The following SMC4 variants were observed in gnomAD, a reference collection of about 807,000 sequenced individuals.
The protein encoded by SMC4 is structural maintenance of chromosomes 4.
In SMC4, 87 loss-of-function variants were observed where a neutral mutation model predicts 145.6. That is an observed-to-expected ratio of 0.60 (90% confidence interval 0.50 to 0.71). The LOEUF (loss-of-function observed/expected upper bound fraction) is 0.71. SMC4 is among the 30% of genes least tolerant of loss of function. The probability of loss-of-function intolerance (pLI) is 0.00; values close to 1 mark genes in which losing one functional copy is unlikely to be tolerated. For synonymous variants in SMC4, 558 were observed against 500.7 expected (o/e 1.11, Z -1.53); for missense variants, 1,447 against 1,537.1 (o/e 0.94, Z 0.98).
At position 160,420,758 on chromosome 3, in the gene SMC4, G is replaced by C. The variant is rs781248813; in HGVS notation, c.1876G>C (p.Asp626His). 5 of 1,613,648 alleles carry C rather than the reference G, an allele frequency of 3.1e-6. No homozygotes were observed. In the South Asian group the frequency reaches 5.5e-5, roughly 18 times the overall value. The change falls in exon 13 of 24, where the codon GAT becomes CAT. Residue 626 changes from aspartate (D) to histidine (H), a missense_variant. By Grantham distance (81) the Asp-to-His change is moderately conservative. Transcript: ENST00000357388. The part of the protein sequence containing the change: ...YGRLGDLGAI[D>H]EKYDVAISSC... ...TTATTAGGGGGACTTAGGAGCCATT[G>C]ATGAAAAATACGACGTGGCTATATC...
At chr3:160,417,623 A>T in intron 10 of SMC4, 100 bp from the exon 11 acceptor site, 3 of 946,962 alleles carry the variant, frequency 3.2e-6, no homozygotes, top group Non-Finnish European at 4.8e-6. Flanking sequence ...GTGCTTATAG[A>T]ATCTCCTTTC....
rs1468704750 is a variant in SMC4 at position 160,430,845 on chromosome 3, C to CT, written c.2940+104dup. 3.7e-6 allele frequency: 5 copies of CT among 1,362,704 alleles called. No homozygotes were observed. In the African/African-American group the frequency reaches 5.9e-5, roughly 16 times the overall value. 84.4% of individuals were successfully genotyped at this position (1,362,704 alleles called of 1,614,324 possible). A position where few individuals can be genotyped will look rare whatever the true frequency, so the allele number is the denominator to read the frequency against. The stretch of plus-strand genomic sequence containing the variant: ...CTAGAATGTAGTAAGCACTCATAGA[C>CT]TTAAAGTTTTATAACTATCAATTTT... On this transcript the variant is annotated intron_variant, in intron 19 of 23. Coordinates refer to ENST00000357388, the MANE Select transcript of SMC4 (RefSeq NM_001002800.3).
intron 17 of SMC4, among the ~76,000 whole-genome samples, 188 bp from the exon 18 acceptor site, chr3:160,428,565 T>A (rs1304915889): frequency 1.3e-5 from 2 of 152,166 alleles, no homozygotes; most frequent in Non-Finnish European, 2.9e-5. Flanking sequence ...TTTAACTTTG[T>A]GCATTGTTGT....
intron 15 of SMC4, among the ~76,000 whole-genome samples, chr3:160,424,502 C>G (rs1422868975): frequency 6.6e-6 from 1 of 152,076 alleles, no homozygotes; most frequent in Non-Finnish European, 1.5e-5. Context: ...TGATTTTGTT[C>G]TGGTCTTTAA....
intron 23 of SMC4, 82 bp from the exon 24 acceptor site, chr3:160,433,575 G>T: frequency 1.2e-6 from 1 of 811,868 alleles, no homozygotes; most frequent in African/African-American, 1.7e-5. Context: ...AATGTTTATT[G>T]TCCAAAAAAT....
intron 9 of SMC4, among the ~76,000 whole-genome samples, chr3:160,415,399 C>A (rs1010585927): frequency 2.0e-5 from 3 of 152,174 alleles, no homozygotes; most frequent in Admixed American, 6.5e-5. Context: ...TTTGGAATCT[C>A]TTAAGCTGTG....
chr3:160,427,391 A>G (rs1717905736), intron 17 of SMC4, among the ~76,000 whole-genome samples: 1 of 152,238 alleles, frequency 6.6e-6, no homozygotes, highest in East Asian at 1.9e-4. Flanking sequence ...TGTGGCTGGA[A>G]TAAAGGACGG....
At chr3:160,412,601 C>T in intron 7 of SMC4, 148 bp downstream of exon 7, 1 of 1,281,926 alleles carries the variant, frequency 7.8e-7, no homozygotes, top group Non-Finnish European at 1.0e-6. Flanking sequence ...TTAGCTCATG[C>T]CTGTAATTCC....
intron 10 of SMC4, among the ~76,000 whole-genome samples, chr3:160,417,011 G>A (rs1250825339): frequency 2.0e-5 from 3 of 152,092 alleles, no homozygotes; most frequent in Admixed American, 2.0e-4. Flanking sequence ...AATAAAACGA[G>A]AGCATGAAGT....
chr3:160,416,903 G>A (rs1044272818), intron 10 of SMC4, among the ~76,000 whole-genome samples: 2 of 151,872 alleles, frequency 1.3e-5, no homozygotes, highest in Non-Finnish European at 2.9e-5. Flanking sequence ...CTTAAAATGA[G>A]AAAGAATATA....
chr3:160,431,154 A>G lies in SMC4; in HGVS notation c.3063A>G (p.Ile1021Met), dbSNP rs766914288. 6.2e-7 allele frequency: 1 copy of G among 1,604,150 alleles called. No individual in the cohort carries two copies. The highest frequency in any genetic ancestry group is 1.7e-5 in the Admixed American group (1 of 57,320). Residue 1021 changes from isoleucine (I) to methionine (M), a missense_variant, in exon 20 of 24, where the codon ATA (isoleucine) becomes ATG (methionine). Physicochemically the swap from Ile to Met is conservative, Grantham distance 10. Transcript: ENST00000357388. ...GTATTAAGTTGAAACTTGAACAAAT[A>G]GATGGTCACATTGCTGAACATAATT... is the stretch of plus-strand genomic sequence containing the variant. ...ALSIKLKLEQ[I>M]DGHIAEHNSK...
chr3:160,434,179 T>G lies in SMC4; in HGVS notation c.*370T>G, dbSNP rs929175940. On this transcript the variant is annotated 3_prime_UTR_variant, in exon 24 of 24. Coordinates refer to ENST00000357388, the MANE Select transcript of SMC4 (RefSeq NM_001002800.3). ...CACTGGAAATGCCTGCCAACTAATC[T>G]TGGATAGATTCTTTAAGGCATTCCA... 5.9e-6 allele frequency: 1 copy of G among 168,444 alleles called. No homozygotes were observed. Among genetic ancestry groups the G allele is most frequent in the African/African-American group, 2.4e-5 (1 of 41,660 alleles). The allele number at this position is 168,444 out of a possible 1,614,324, so 10.4% of individuals were successfully genotyped here. A position where few individuals can be genotyped will look rare whatever the true frequency, so the allele number is the denominator to read the frequency against.
chr3:160,426,748 G>A (rs1717837150), intron 17 of SMC4, among the ~76,000 whole-genome samples: 1 of 152,158 alleles, frequency 6.6e-6, no homozygotes, highest in South Asian at 2.1e-4. Context: ...CCCTGATCAT[G>A]CACTTGAGCA....
chr3:160,413,514 A>AG lies in SMC4; in HGVS notation c.1024dup (p.Glu342GlyfsTer5). On this transcript the variant is annotated frameshift_variant, in exon 8 of 24. Coordinates refer to ENST00000357388, the MANE Select transcript of SMC4 (RefSeq NM_001002800.3). LOFTEE classifies it high-confidence loss of function. ...CGAATTGCTGAAATGGAAACTCAAA[A>AG]GGAAAAAATTCATGAAGATACCAAA... The AG allele has an allele frequency of 1.3e-6, 2 of 1,590,772 alleles. No homozygotes were observed. The highest frequency in any genetic ancestry group is 1.7e-6 in the Non-Finnish European group (2 of 1,173,486).
chr3:160,432,962 A>G, intron 22 of SMC4, 64 bp from the exon 23 acceptor site: 1 of 1,143,600 alleles, frequency 8.7e-7, no homozygotes. Context: ...TATGGAAAGC[A>G]AATCACAAAG....
chr3:160,416,918 C>T (rs1157342274), intron 10 of SMC4, among the ~76,000 whole-genome samples: 1 of 151,988 alleles, frequency 6.6e-6, no homozygotes, highest in Non-Finnish European at 1.5e-5. Context: ...AATATATCTA[C>T]TTTGTGAAAA....
Position 160,413,524 on chromosome 3 carries a change from T to G in SMC4, c.1032T>G (p.Ile344Met). 3.1e-6 allele frequency: 5 copies of G among 1,591,380 alleles called. No homozygotes were observed. Among genetic ancestry groups the G allele is most frequent in the Non-Finnish European group, 4.3e-6 (5 of 1,172,206 alleles). The change falls in exon 8 of 24, where the codon ATT becomes ATG. Residue 344 changes from isoleucine to methionine, a missense_variant. Transcript: ENST00000357388. ...AAATGGAAACTCAAAAGGAAAAAATTCATGAAGATACCAAAGAAATTAATG... is the reference window on the plus strand; with the variant it reads ...AAATGGAAACTCAAAAGGAAAAAATGCATGAAGATACCAAAGAAATTAATG... ...IAEMETQKEK[I>M]HEDTKEINEK...
At chr3:160,431,294 C>G (rs1240589648) in intron 20 of SMC4, 89 bp downstream of exon 20, 1 of 1,139,758 alleles carries the variant, frequency 8.8e-7, no homozygotes, top group Admixed American at 3.3e-5. Flanking sequence ...GGTTGGGGTT[C>G]TTAAATTTTG....
intron 17 of SMC4, among the ~76,000 whole-genome samples, chr3:160,427,068 A>G (rs1717869310): frequency 6.6e-6 from 1 of 152,220 alleles, no homozygotes; most frequent in African/African-American, 2.4e-5. Flanking sequence ...AAATGTTGAC[A>G]CATTTCCACA....
Sources: allele counts gnomAD v4.1 joint callset (sites outside exome capture counted in the v4.1 genomes callset), GRCh38; gene constraint gnomAD v4.1.1; transcripts MANE v1.5; gene names NCBI Gene and HGNC (gene_info 2026-07-23, HGNC 2026-07-21).